The following NRXN3 variants were observed in gnomAD, a reference collection of about 807,000 sequenced individuals.
NRXN3 encodes neurexin 3.
A neutral mutation model predicts 137.6 loss-of-function variants in NRXN3; 32 were observed. The observed-to-expected ratio is 0.23, with a 90% CI of 0.18 to 0.31. The LOEUF is 0.31. Among genes scored for constraint, NRXN3 ranks in the 10% least tolerant of loss-of-function variants. The probability of loss-of-function intolerance (pLI) is 1.00; values close to 1 mark genes in which losing one functional copy is unlikely to be tolerated. For missense variants in NRXN3, 1,574 were observed against 2,062.5 expected, an observed-to-expected ratio of 0.76 and a Z score of 4.59; for synonymous variants, 798 against 784.5, an observed-to-expected ratio of 1.02 and a Z score of -0.29.
At chr14:79,780,168 A>G (rs1372738822) in intron 19 of NRXN3, among the ~76,000 whole-genome samples, 1 of 152,204 alleles carries the variant, frequency 6.6e-6, no homozygotes, top group African/African-American at 2.4e-5. Context: ...GGGAAAAAAA[A>G]AAAATTCACA....
At chr14:79,164,154 T>C (rs1015452359) in intron 15 of NRXN3, among the ~76,000 whole-genome samples, 1 of 152,024 alleles carries the variant, frequency 6.6e-6, no homozygotes, top group Admixed American at 6.6e-5. Context: ...CTGTCACTTA[T>C]CACTTCTTCT....
intron 15 of NRXN3, among the ~76,000 whole-genome samples, chr14:79,304,414 T>A (rs1229111288): frequency 6.6e-6 from 1 of 152,042 alleles, no homozygotes. Context: ...AAAAGTGACC[T>A]GTGTTAAAAA....
At chr14:79,156,745 T>C (rs2060286238) in intron 15 of NRXN3, among the ~76,000 whole-genome samples, 1 of 151,824 alleles carries the variant, frequency 6.6e-6, no homozygotes, top group South Asian at 2.1e-4. Context: ...AAGAAGACTT[T>C]GTTTGGAATT....
intron 15 of NRXN3, among the ~76,000 whole-genome samples, chr14:79,103,544 G>A (rs895126645): frequency 6.6e-6 from 1 of 152,120 alleles, no homozygotes; most frequent in Non-Finnish European, 1.5e-5. Flanking sequence ...CCTGGAGTTC[G>A]GGAGGGAAGT....
intron 4 of NRXN3, among the ~76,000 whole-genome samples, chr14:78,421,881 A>G (rs1457619835): frequency 1.3e-5 from 2 of 151,818 alleles, no homozygotes; most frequent in Admixed American, 6.6e-5. Context: ...ATAATCACAT[A>G]TTGTCTTTGC....
chr14:79,288,748 T>C (rs1184821250), intron 15 of NRXN3, among the ~76,000 whole-genome samples: 3 of 152,214 alleles, frequency 2.0e-5, no homozygotes, highest in Non-Finnish European at 4.4e-5. Context: ...CTTTGATTAA[T>C]GCAGCTAACA....
intron 20 of NRXN3, among the ~76,000 whole-genome samples, chr14:79,839,648 T>C (rs897235803): frequency 4.6e-5 from 7 of 152,228 alleles, no homozygotes; most frequent in Non-Finnish European, 1.0e-4. Context: ...TTTAACTTGA[T>C]GTAATCATGT....
intron 4 of NRXN3, among the ~76,000 whole-genome samples, chr14:78,342,638 A>G (rs2082264752): frequency 6.6e-6 from 1 of 152,232 alleles, no homozygotes; most frequent in Non-Finnish European, 1.5e-5. Context: ...TGACTTGTCC[A>G]GTCACATAGC....
At chr14:79,042,945 C>G (rs1026675530) in intron 15 of NRXN3, among the ~76,000 whole-genome samples, 3 of 151,628 alleles carry the variant, frequency 2.0e-5, no homozygotes, top group African/African-American at 7.3e-5. Flanking sequence ...GAATGGCTAG[C>G]CAAAGTCAGA....
chr14:78,646,600 A>T (rs755705895), intron 5 of NRXN3, among the ~76,000 whole-genome samples: 4 of 152,202 alleles, frequency 2.6e-5, no homozygotes, highest in African/African-American at 4.8e-5. Context: ...AACAAATGGT[A>T]TAGGCTGGCA....
At chr14:78,657,046 C>CAAAAAA (rs1174872709) in intron 6 of NRXN3, among the ~76,000 whole-genome samples, 75 of 31,024 alleles carry the variant, frequency 2.4e-3, no homozygotes, top group Admixed American at 3.4e-3. Context: ...GACTCCGTCT[C>CAAAAAA]AAAAAAAAAA....
At chr14:79,144,580 T>C (rs898805692) in intron 15 of NRXN3, among the ~76,000 whole-genome samples, 3 of 152,202 alleles carry the variant, frequency 2.0e-5, no homozygotes, top group African/African-American at 7.2e-5. Context: ...CAATTTGTGG[T>C]ATAAAGATTT....
At chr14:78,306,752 C>T (rs2077409595) in intron 4 of NRXN3, among the ~76,000 whole-genome samples, 3 of 152,026 alleles carry the variant, frequency 2.0e-5, no homozygotes, top group Non-Finnish European at 4.4e-5. Context: ...TAAGCAGATC[C>T]TCTGCTTCAA....
chr14:78,646,863 A>G (rs567314221), intron 5 of NRXN3, among the ~76,000 whole-genome samples: 76 of 152,360 alleles, frequency 5.0e-4, no homozygotes, highest in African/African-American at 1.8e-3. Context: ...AACTGTCAAG[A>G]GAACCCAAAT....
chr14:78,219,962 A>G (rs1452325499), intron 1 of NRXN3, among the ~76,000 whole-genome samples: 1 of 152,036 alleles, frequency 6.6e-6, no homozygotes, highest in Non-Finnish European at 1.5e-5. Flanking sequence ...TAGAAGAGAA[A>G]AGGAGAGAGA....
intron 4 of NRXN3, among the ~76,000 whole-genome samples, chr14:78,577,717 G>A (rs1448670906): frequency 9.2e-5 from 14 of 152,038 alleles, no homozygotes; most frequent in African/African-American, 2.4e-4. Context: ...CACCCGCCTC[G>A]GCCTCCCATA....
intron 16 of NRXN3, among the ~76,000 whole-genome samples, chr14:79,656,353 A>G (rs1311087854): frequency 6.6e-6 from 1 of 152,206 alleles, no homozygotes; most frequent in Non-Finnish European, 1.5e-5. Context: ...TATGGAAATG[A>G]ACTTGAAGTT....
intron 15 of NRXN3, among the ~76,000 whole-genome samples, chr14:79,306,839 C>G (rs1404672536): frequency 6.6e-6 from 1 of 152,094 alleles, no homozygotes; most frequent in African/African-American, 2.4e-5. Flanking sequence ...AGAGCCAGGC[C>G]TCACCACATG....
At chr14:79,725,215 G>A (rs769658378) in intron 19 of NRXN3, among the ~76,000 whole-genome samples, 14 of 152,098 alleles carry the variant, frequency 9.2e-5, no homozygotes, top group Non-Finnish European at 1.8e-4. Flanking sequence ...CATTGGCTGC[G>A]GGCCAAGAAA....
Sources: allele counts gnomAD v4.1 joint callset (sites outside exome capture counted in the v4.1 genomes callset), GRCh38; gene constraint gnomAD v4.1.1; transcripts MANE v1.5; gene names NCBI Gene and HGNC (gene_info 2026-07-23, HGNC 2026-07-21).